The following NLRP8 variants were observed in gnomAD, a reference collection of about 807,000 sequenced individuals.
NLRP8 encodes the protein NLR family pyrin domain containing 8, also known as NACHT, LRR and PYD domains-containing protein 8.
NLRP8 carries 86 observed loss-of-function variants against 88.7 expected under a neutral mutation model. That is an observed-to-expected ratio of 0.97 (90% CI 0.81 to 1.16). NLRP8 has a LOEUF of 1.16. Among genes scored for constraint, NLRP8 ranks in the 50% most tolerant of loss-of-function variants. NLRP8 has a pLI of 0.00. For missense variants in NLRP8, 1,342 were observed against 1,286.5 expected (o/e 1.04, Z -0.66); for synonymous variants, 504 against 494.6 (o/e 1.02, Z -0.25).
Position 55,955,815 on chromosome 19 carries a change from A to G in NLRP8, c.1757A>G (p.Lys586Arg). 1 of 1,614,164 alleles carries G rather than the reference A, an allele frequency of 6.2e-7. No homozygotes were observed. The highest frequency in any genetic ancestry group is 8.5e-7 in the Non-Finnish European group (1 of 1,180,010). ...AAGGTGTCTTTCGGTAATAAGAGGA[A>G]ACTGCTGAAAGTCATACCTCTGTTG... The change falls in exon 3 of 10, where the codon AAA (lysine) becomes AGA (arginine). Residue 586 changes from lysine to arginine, a missense_variant. Physicochemically the swap from Lys to Arg is conservative, Grantham distance 26 (BLOSUM62 2). Coordinates refer to ENST00000291971, the MANE Select transcript of NLRP8 (RefSeq NM_176811.2).
At chr19:55,980,792 C>T (rs1005335924) in intron 9 of NLRP8, among the ~76,000 whole-genome samples, 2 of 152,026 alleles carry the variant, frequency 1.3e-5, no homozygotes, top group African/African-American at 4.8e-5. Flanking sequence ...GGCCATGGTC[C>T]AGCCCTGGTC....
At chr19:55,976,354 C>G in intron 8 of NLRP8, 51 bp downstream of exon 8, 1 of 1,448,634 alleles carries the variant, frequency 6.9e-7, no homozygotes, top group Non-Finnish European at 9.2e-7. Context: ...TGTATATAAG[C>G]GTCTCTCAGG....
At chr19:55,985,998 C>A (rs1208288251) in intron 9 of NLRP8, among the ~76,000 whole-genome samples, 2 of 151,284 alleles carry the variant, frequency 1.3e-5, no homozygotes, top group East Asian at 1.9e-4. Context: ...GACTCCACAT[C>A]AAAAAAAACT....
rs762473032 is a variant in NLRP8 at position 55,948,002 on chromosome 19, G to A, written c.100G>A (p.Gly34Ser). The A allele has an allele frequency of 3.2e-5, 51 of 1,613,754 alleles. No individual in the cohort carries two copies. The highest frequency in any genetic ancestry group is 3.9e-5 in the Non-Finnish European group (46 of 1,180,014). ...GCCCTGGACATTCTCTTGCTACCCCGGCTCCCCATGTGAAAATGGGGTCAT... is the reference window on the plus strand; with the variant it reads ...GCCCTGGACATTCTCTTGCTACCCCAGCTCCCCATGTGAAAATGGGGTCAT... The change falls in exon 1 of 10, where the codon GGC (glycine) becomes AGC (serine). Residue 34 changes from glycine (G) to serine (S), a missense_variant. Gly to Ser is a moderately conservative substitution (Grantham distance 56). Coordinates refer to ENST00000291971, the MANE Select transcript of NLRP8 (RefSeq NM_176811.2).
chr19:55,968,251 C>A (rs1979928800), intron 5 of NLRP8, among the ~76,000 whole-genome samples: 1 of 151,940 alleles, frequency 6.6e-6, no homozygotes, highest in South Asian at 2.1e-4. Flanking sequence ...CCAGCCTGGC[C>A]AACATGGCAA....
At chr19:55,966,134 G>A in intron 4 of NLRP8, 79 bp from the exon 5 acceptor site, 1 of 1,395,846 alleles carries the variant, frequency 7.2e-7, no homozygotes, top group Non-Finnish European at 1.0e-6. Context: ...GCAGCTTCCG[G>A]GAGCCTCGTT....
At chr19:55,978,676 C>A (rs1239208774) in intron 8 of NLRP8, among the ~76,000 whole-genome samples, 1 of 152,148 alleles carries the variant, frequency 6.6e-6, no homozygotes, top group African/African-American at 2.4e-5. Context: ...ATACACGGCA[C>A]CTCTTTGAGA....
Position 55,966,279 on chromosome 19 carries a change from T to C in NLRP8, c.2280T>C (p.His760=), listed in dbSNP as rs1979835440. Residue 760 remains histidine, a synonymous_variant, in exon 5 of 10, where the codon CAT becomes CAC. Coordinates refer to ENST00000291971, the MANE Select transcript of NLRP8 (RefSeq NM_176811.2). ...TCGGTGTTTTGACGGGGAACCAGCA[T>C]CTGAGATACTTGGAAATACAACATG... The C allele has an allele frequency of 1.2e-6, 2 of 1,614,042 alleles. No individual in the cohort carries two copies. The highest frequency in any genetic ancestry group is 1.7e-6 in the Non-Finnish European group (2 of 1,179,994).
intron 5 of NLRP8, among the ~76,000 whole-genome samples, chr19:55,968,125 A>G (rs534908492): frequency 6.6e-6 from 1 of 152,356 alleles, no homozygotes; most frequent in South Asian, 2.1e-4. Context: ...TTCGTTTAAT[A>G]ATTTTTTTAA....
At chr19:55,977,184 A>G (rs924859240) in intron 8 of NLRP8, among the ~76,000 whole-genome samples, 1 of 131,970 alleles carries the variant, frequency 7.6e-6, no homozygotes, top group Admixed American at 9.1e-5. Flanking sequence ...ACATATATAC[A>G]TATATACGTA....
chr19:55,973,977 G>T (rs536729539), intron 7 of NLRP8, among the ~76,000 whole-genome samples, 155 bp downstream of exon 7: 1 of 152,316 alleles, frequency 6.6e-6, no homozygotes, highest in South Asian at 2.1e-4. Context: ...CAATAAAGAG[G>T]AGGGTTATTA....
chr19:55,979,365 G>T, intron 8 of NLRP8, 29 bp from the exon 9 acceptor site: 2 of 1,611,698 alleles, frequency 1.2e-6, no homozygotes, highest in Non-Finnish European at 1.7e-6. Context: ...TGACTTCTCT[G>T]CTGTCTGCTG....
At chr19:55,981,583 T>C (rs955418726) in intron 9 of NLRP8, among the ~76,000 whole-genome samples, 1 of 152,206 alleles carries the variant, frequency 6.6e-6, no homozygotes, top group African/African-American at 2.4e-5. Context: ...TATTTACCAA[T>C]AGACTGGTCC....
chr19:55,959,130 G>A (rs925737449), intron 3 of NLRP8, among the ~76,000 whole-genome samples: 10 of 142,328 alleles, frequency 7.0e-5, no homozygotes, highest in Non-Finnish European at 1.1e-4. Context: ...TGCCTGCCTC[G>A]GCCTCCCAAA....
At chr19:55,979,358 C>A in intron 8 of NLRP8, 36 bp from the exon 9 acceptor site, 1 of 1,610,436 alleles carries the variant, frequency 6.2e-7, no homozygotes, top group Non-Finnish European at 8.5e-7. Flanking sequence ...GTTGTGATGA[C>A]TTCTCTGCTG....
At chr19:55,976,516 C>A (rs1439610579) in intron 8 of NLRP8, among the ~76,000 whole-genome samples, 1 of 151,952 alleles carries the variant, frequency 6.6e-6, no homozygotes, top group Non-Finnish European at 1.5e-5. Context: ...ATTTTGGGGC[C>A]CCACTTCGGA....
intron 8 of NLRP8, 137 bp from the exon 9 acceptor site, chr19:55,979,257 G>A: frequency 4.4e-6 from 4 of 911,762 alleles, no homozygotes; most frequent in Non-Finnish European, 6.8e-6. Context: ...TTGACTATAG[G>A]TGAATAGACC....
intron 5 of NLRP8, among the ~76,000 whole-genome samples, chr19:55,966,613 T>C (rs1979856425): frequency 6.6e-6 from 1 of 152,024 alleles, no homozygotes; most frequent in African/African-American, 2.4e-5. Context: ...GCCAACATGG[T>C]GAAACTCCAT....
chr19:55,961,213 T>A (rs1979595074), intron 3 of NLRP8, among the ~76,000 whole-genome samples: 1 of 152,064 alleles, frequency 6.6e-6, no homozygotes, highest in South Asian at 2.1e-4. Context: ...CTTTCAACTA[T>A]TTCTTTAATG....
Sources: allele counts gnomAD v4.1 joint callset (sites outside exome capture counted in the v4.1 genomes callset), GRCh38; gene constraint gnomAD v4.1.1; transcripts MANE v1.5; gene names NCBI Gene and HGNC (gene_info 2026-07-23, HGNC 2026-07-21).